PLCH1: variants seen among roughly 807,000 people sequenced by gnomAD.
PLCH1 encodes the protein 1-phosphatidylinositol 4,5-bisphosphate phosphodiesterase eta-1.
In PLCH1, 60 loss-of-function variants were observed where a neutral mutation model predicts 126.7. The observed-to-expected ratio is 0.47, with a 90% CI of 0.38 to 0.59. The LOEUF (loss-of-function observed/expected upper bound fraction) is 0.59. Among genes scored for constraint, PLCH1 ranks in the 20% least tolerant of loss-of-function variants. The pLI, the probability that PLCH1 is intolerant of heterozygous loss-of-function variation, is 0.00. For missense variants in PLCH1, 1,723 were observed against 2,040.0 expected (o/e 0.84, Z 2.99); for synonymous variants, 719 against 734.9 (o/e 0.98, Z 0.35).
intron 10 of PLCH1, among the ~76,000 whole-genome samples, chr3:155,532,991 G>GT (rs952712907): frequency 3.9e-5 from 6 of 152,192 alleles, no homozygotes; most frequent in Admixed American, 2.6e-4. Context: ...TTGTTGAATG[G>GT]TTTTGACCAA....
At chr3:155,687,422 A>G (rs187274987) in intron 2 of PLCH1, among the ~76,000 whole-genome samples, 4 of 152,276 alleles carry the variant, frequency 2.6e-5, no homozygotes, top group Admixed American at 1.3e-4. Context: ...ATATAAATTA[A>G]TCTAATTTAG....
In PLCH1 at chr3:155,704,198, C is replaced by G; in HGVS notation, c.27G>C (p.Arg9Ser). 1 of 1,230,180 alleles carries G rather than the reference C, an allele frequency of 8.1e-7. No individual in the cohort carries two copies. The highest frequency in any genetic ancestry group is 1.0e-6 in the Non-Finnish European group (1 of 986,574). 76.2% of individuals were successfully genotyped at this position (1,230,180 alleles called of 1,614,324 possible). Reference protein sequence around the residue: MSYWNLEKRNCVQYRRHFL... With the variant: MSYWNLEKSNCVQYRRHFL... ...AATGCCTGCGGTACTGCACACAGTT[C>G]CTTTTTTCCAAGTTCCAGTAACTCA... is the stretch of plus-strand genomic sequence containing the variant. Residue 9 changes from arginine to serine, a missense_variant, in exon 2 of 23, where the codon AGG (arginine) becomes AGC (serine). Transcript: ENST00000460012.
At chr3:155,462,369 C>T (rs527605615) in intron 21 of PLCH1, among the ~76,000 whole-genome samples, 1 of 152,152 alleles carries the variant, frequency 6.6e-6, no homozygotes, top group Non-Finnish European at 1.5e-5. Context: ...CAGCTGACTA[C>T]TGACTGAAGA....
At chr3:155,573,514 G>A (rs1486461340) in intron 6 of PLCH1, among the ~76,000 whole-genome samples, 2 of 152,176 alleles carry the variant, frequency 1.3e-5, no homozygotes, top group Non-Finnish European at 2.9e-5. Flanking sequence ...GATGGTACAA[G>A]ATGGCCTCAC....
At chr3:155,687,189 G>C (rs1745017154) in intron 2 of PLCH1, among the ~76,000 whole-genome samples, 2 of 152,104 alleles carry the variant, frequency 1.3e-5, no homozygotes, top group South Asian at 4.1e-4. Flanking sequence ...TTATCAATGA[G>C]AGAAATAATG....
intron 1 of PLCH1, among the ~76,000 whole-genome samples, chr3:155,716,603 C>A (rs899415000): frequency 2.0e-5 from 3 of 152,120 alleles, no homozygotes; most frequent in African/African-American, 7.2e-5. Flanking sequence ...GGGTGCCACA[C>A]TTTGCAACAA....
At chr3:155,469,859 G>A (rs901156900) in intron 21 of PLCH1, among the ~76,000 whole-genome samples, 2,536 of 152,190 alleles carry the variant, frequency 0.017, 71 homozygotes, top group African/African-American at 0.058. Context: ...ACCTGCAGCT[G>A]AGGGTCCTGT....
intron 2 of PLCH1, among the ~76,000 whole-genome samples, chr3:155,626,496 G>A (rs780996057): frequency 4.1e-4 from 62 of 152,090 alleles, no homozygotes; most frequent in Non-Finnish European, 4.1e-4. Context: ...GTGGCTGGGC[G>A]CTGTGGCTCA....
At chr3:155,642,534 G>T (rs1458066484) in intron 2 of PLCH1, among the ~76,000 whole-genome samples, 1 of 152,202 alleles carries the variant, frequency 6.6e-6, no homozygotes, top group African/African-American at 2.4e-5. Flanking sequence ...TGAATTGGTA[G>T]ATAGAGTAAA....
At chr3:155,542,755 G>A (rs1340818508) in intron 10 of PLCH1, among the ~76,000 whole-genome samples, 2 of 152,350 alleles carry the variant, frequency 1.3e-5, no homozygotes, top group Admixed American at 1.3e-4. Flanking sequence ...TGCAGCCACT[G>A]CTGCTGGTAC....
At chr3:155,542,792 C>T (rs1197169703) in intron 10 of PLCH1, among the ~76,000 whole-genome samples, 2 of 152,172 alleles carry the variant, frequency 1.3e-5, no homozygotes, top group African/African-American at 2.4e-5. Flanking sequence ...TGGAGTGGAC[C>T]TCTAGCAAAC....
intron 1 of PLCH1, among the ~76,000 whole-genome samples, chr3:155,738,557 G>A (rs1749373743): frequency 6.6e-6 from 1 of 152,052 alleles, no homozygotes; most frequent in Non-Finnish European, 1.5e-5. Context: ...GCCGAGGCAG[G>A]CGGGTCACGA....
chr3:155,651,053 C>G (rs554955383), intron 2 of PLCH1, among the ~76,000 whole-genome samples: 1 of 151,894 alleles, frequency 6.6e-6, no homozygotes, highest in South Asian at 2.1e-4. Context: ...AAAAAAAATG[C>G]AGATTTAAAC....
chr3:155,673,030 C>G (rs1743689953), intron 2 of PLCH1, among the ~76,000 whole-genome samples: 2 of 139,370 alleles, frequency 1.4e-5, no homozygotes, highest in Non-Finnish European at 3.1e-5. Flanking sequence ...CTCTCCCCAG[C>G]TTAAAACCTT....
Position 155,488,770 on chromosome 3 carries a change from G to A in PLCH1, c.2429C>T (p.Thr810Ile). 6.2e-7 allele frequency: 1 copy of A among 1,613,358 alleles called. No homozygotes were observed. Among genetic ancestry groups the A allele is most frequent in the Non-Finnish European group, 8.5e-7 (1 of 1,179,582 alleles). ...NPVWEETLTF[T>I]VHMPEIALVR... ...CAAAGCTATTTCTGGCATGTGTACT[G>A]TAAATGTCAGTGTTTCTTCCCACAC... The change falls in exon 20 of 23, where the codon ACA (threonine) becomes ATA (isoleucine). Residue 810 changes from threonine to isoleucine, a missense_variant. Coordinates refer to ENST00000460012, the MANE Select transcript of PLCH1 (RefSeq NM_014996.4).
chr3:155,506,673 G>C (rs1346591795), intron 12 of PLCH1, among the ~76,000 whole-genome samples: 2 of 148,130 alleles, frequency 1.4e-5, no homozygotes, highest in Middle Eastern at 3.2e-3. Flanking sequence ...CCCTACAAAG[G>C]ACATGAACTC....
intron 2 of PLCH1, among the ~76,000 whole-genome samples, chr3:155,618,600 A>G (rs1736076729): frequency 6.6e-6 from 1 of 152,172 alleles, no homozygotes; most frequent in Non-Finnish European, 1.5e-5. Context: ...TTCAGACAAC[A>G]GGAGATTCAT....
At chr3:155,495,985 A>G (rs1054766992) in intron 15 of PLCH1, among the ~76,000 whole-genome samples, 1 of 152,202 alleles carries the variant, frequency 6.6e-6, no homozygotes, top group Non-Finnish European at 1.5e-5. Flanking sequence ...ATTCAGATAG[A>G]ATAGGACTAT....
At chr3:155,541,702 A>G (rs891302261) in intron 10 of PLCH1, among the ~76,000 whole-genome samples, 6 of 152,196 alleles carry the variant, frequency 3.9e-5, no homozygotes, top group African/African-American at 1.2e-4. Flanking sequence ...AAAAGTTTTA[A>G]ATAGAGCAAG....
Sources: gnomAD v4.1 joint callset for allele counts (sites outside exome capture counted in the v4.1 genomes callset) on GRCh38, gnomAD v4.1.1 for gene constraint, MANE v1.5 for transcripts, NCBI Gene and HGNC (gene_info 2026-07-23, HGNC 2026-07-21) for gene names.